CSGALNACT1: variants seen among roughly 807,000 people sequenced by gnomAD.
CSGALNACT1 encodes chondroitin sulfate N-acetylgalactosaminyltransferase 1.
CSGALNACT1 carries 52 observed loss-of-function variants against 51.0 expected under a neutral mutation model. The ratio of observed to expected loss-of-function variants is 1.02; its 90% CI spans 0.82 to 1.29. The LOEUF is 1.29. Ranked by LOEUF, CSGALNACT1 falls within the 50% of genes most tolerant of loss-of-function variation. The pLI, the probability that CSGALNACT1 is intolerant of heterozygous loss-of-function variation, is 0.00. For missense variants in CSGALNACT1, 935 were observed against 679.2 expected (o/e 1.38, Z -4.19); for synonymous variants, 341 against 254.4 (o/e 1.34, Z -3.24).
intron 1 of CSGALNACT1, among the ~76,000 whole-genome samples, chr8:19,648,741 G>T (rs572129351): frequency 6.6e-5 from 10 of 152,242 alleles, no homozygotes; most frequent in African/African-American, 2.4e-4. Flanking sequence ...AGCAACTGAG[G>T]GTATAGTGAG....
rs141364595 is a variant in CSGALNACT1, at chr8:19,433,854, A to G, written c.953+5976T>C. Among the ~76,000 whole-genome samples, 647 of 152,254 alleles carry G rather than the reference A, an allele frequency of 4.2e-3. 3 individuals are homozygous for G. Among genetic ancestry groups the G allele is most frequent in the African/African-American group, 0.015 (629 of 41,548 alleles). ...TGTGTGGCCCAACACAATTCTTCTTATTTCAGTGTGGCCCAGAGAAGCCAA... is the reference window on the plus strand; with the variant it reads ...TGTGTGGCCCAACACAATTCTTCTTGTTTCAGTGTGGCCCAGAGAAGCCAA... On this transcript the variant is annotated intron_variant, in intron 6 of 9. Transcript: ENST00000454498.
At chr8:19,635,461 G>A (rs1216084811) in intron 1 of CSGALNACT1, among the ~76,000 whole-genome samples, 2 of 152,122 alleles carry the variant, frequency 1.3e-5, no homozygotes, top group South Asian at 2.1e-4. Context: ...GATCTGAACC[G>A]CCGCATACAT....
At chr8:19,571,532 A>G (rs906283126) in intron 3 of CSGALNACT1, among the ~76,000 whole-genome samples, 3 of 152,040 alleles carry the variant, frequency 2.0e-5, no homozygotes, top group Admixed American at 6.5e-5. Context: ...TTTCTCCCCA[A>G]CTAATATGGC....
At chr8:19,730,506 A>G (rs1040458632) in intron 1 of CSGALNACT1, among the ~76,000 whole-genome samples, 7 of 152,226 alleles carry the variant, frequency 4.6e-5, no homozygotes, top group Non-Finnish European at 8.8e-5. Flanking sequence ...TTCTGAATGG[A>G]CTTTTTCCAA....
At chr8:19,457,020 T>C (rs1160423657) in intron 5 of CSGALNACT1, among the ~76,000 whole-genome samples, 1 of 152,160 alleles carries the variant, frequency 6.6e-6, no homozygotes, top group Non-Finnish European at 1.5e-5. Context: ...AATAAAGAAC[T>C]TCCTATCCAG....
chr8:19,474,412 T>C (rs945649734), intron 4 of CSGALNACT1, among the ~76,000 whole-genome samples: 2 of 152,206 alleles, frequency 1.3e-5, no homozygotes, highest in African/African-American at 2.4e-5. Context: ...TGGAAATGTA[T>C]AGAGCAGGTA....
At chr8:19,513,247 G>C (rs1158560860) in intron 3 of CSGALNACT1, among the ~76,000 whole-genome samples, 1 of 151,748 alleles carries the variant, frequency 6.6e-6, no homozygotes, top group African/African-American at 2.4e-5. Flanking sequence ...GGACATAGGA[G>C]GATAGCGACA....
intron 1 of CSGALNACT1, among the ~76,000 whole-genome samples, chr8:19,693,754 C>T (rs1359732897): frequency 6.6e-6 from 1 of 152,120 alleles, no homozygotes; most frequent in Non-Finnish European, 1.5e-5. Context: ...CAATATTCAC[C>T]TAACTCCAGC....
At chr8:19,651,948 T>G (rs2057850334) in intron 1 of CSGALNACT1, among the ~76,000 whole-genome samples, 1 of 151,868 alleles carries the variant, frequency 6.6e-6, no homozygotes, top group African/African-American at 2.4e-5. Context: ...TTGACTTTTT[T>G]TAGACAGGCT....
chr8:19,419,604 C>T (rs1486699334), intron 7 of CSGALNACT1, among the ~76,000 whole-genome samples: 1 of 152,210 alleles, frequency 6.6e-6, no homozygotes, highest in Admixed American at 6.5e-5. Context: ...GTGCGAATAG[C>T]TCTTCTACCC....
intron 1 of CSGALNACT1, among the ~76,000 whole-genome samples, chr8:19,667,016 A>AAAGGAAGGAAGGAAGGAAGGAAGG (rs71205941): frequency 4.8e-4 from 21 of 43,446 alleles, no homozygotes; most frequent in South Asian, 7.6e-4. Context: ...AGAAAGAAAG[A>AAAGGAAGGAAGGAAGGAAGGAAGG]AAGGAAGGAA....
chr8:19,456,532 T>C (rs2064138100), intron 5 of CSGALNACT1, among the ~76,000 whole-genome samples: 1 of 152,208 alleles, frequency 6.6e-6, no homozygotes, highest in African/African-American at 2.4e-5. Context: ...GGTTCAGTCA[T>C]TCTGGAGATG....
chr8:19,633,241 C>A (rs2055548494), intron 1 of CSGALNACT1, among the ~76,000 whole-genome samples: 1 of 152,138 alleles, frequency 6.6e-6, no homozygotes, highest in South Asian at 2.1e-4. Flanking sequence ...AGTCTCGAGG[C>A]TGGAGAGTTC....
chr8:19,724,487 G>A (rs1331136797), intron 1 of CSGALNACT1, among the ~76,000 whole-genome samples: 1 of 152,104 alleles, frequency 6.6e-6, no homozygotes, highest in African/African-American at 2.4e-5. Context: ...CTCTTTCTCT[G>A]ATTCTTTCAA....
chr8:19,594,709 A>G (rs895405045), intron 2 of CSGALNACT1, among the ~76,000 whole-genome samples: 31 of 150,340 alleles, frequency 2.1e-4, no homozygotes, highest in African/African-American at 7.1e-4. Flanking sequence ...AGGCCTGGCT[A>G]ATTTTTTTTT....
At chr8:19,689,455 G>C (rs1253211824) in intron 1 of CSGALNACT1, among the ~76,000 whole-genome samples, 1 of 152,182 alleles carries the variant, frequency 6.6e-6, no homozygotes, top group East Asian at 1.9e-4. Context: ...TCCATGCCTA[G>C]CCATGCCCAA....
At chr8:19,699,889 G>C (rs1451438082) in intron 1 of CSGALNACT1, among the ~76,000 whole-genome samples, 5 of 152,110 alleles carry the variant, frequency 3.3e-5, no homozygotes, top group Admixed American at 3.3e-4. Flanking sequence ...AGAGGGGACA[G>C]ATCACGAAGT....
intron 1 of CSGALNACT1, among the ~76,000 whole-genome samples, chr8:19,729,650 C>A (rs2063581946): frequency 6.6e-6 from 1 of 152,210 alleles, no homozygotes; most frequent in African/African-American, 2.4e-5. Context: ...TTTGATCTAA[C>A]ATTGTTTTTC....
At chr8:19,685,754 C>A (rs2060938320), upstream of CSGALNACT1, among the ~76,000 whole-genome samples, 1 of 152,150 alleles carries the variant, frequency 6.6e-6, no homozygotes, top group Non-Finnish European at 1.5e-5. Flanking sequence ...CTGAATCTGA[C>A]AGGCAGGTAT....
Sources: gnomAD v4.1 joint callset for allele counts (sites outside exome capture counted in the v4.1 genomes callset) on GRCh38, gnomAD v4.1.1 for gene constraint, MANE v1.5 for transcripts, NCBI Gene and HGNC (gene_info 2026-07-23, HGNC 2026-07-21) for gene names.